LARP1B: variants seen among roughly 807,000 people sequenced by gnomAD.
LARP1B encodes the protein La ribonucleoprotein 1B.
LARP1B carries 76 observed loss-of-function variants against 114.2 expected under a neutral mutation model. That is an observed-to-expected ratio of 0.67 (90% confidence interval 0.55 to 0.81). The LOEUF (loss-of-function observed/expected upper bound fraction) is 0.81. Among genes scored for constraint, LARP1B ranks in the 30% least tolerant of loss-of-function variants. The pLI, the probability that LARP1B is intolerant of heterozygous loss-of-function variation, is 0.00. For synonymous variants in LARP1B, 345 were observed against 348.0 expected, an observed-to-expected ratio of 0.99 and a Z score of 0.10; for missense variants, 1,014 against 1,075.8, an observed-to-expected ratio of 0.94 and a Z score of 0.80.
chr4:128,098,831 GCAGTGGC>G (rs1364808147), intron 8 of LARP1B, among the ~76,000 whole-genome samples: 1 of 136,274 alleles, frequency 7.3e-6, no homozygotes, highest in African/African-American at 2.8e-5. Flanking sequence ...AGGCTGGAGT[GCAGTGGC>G]ATGATATCGG....
At chr4:128,117,346 A>G (rs536793078) in intron 10 of LARP1B, among the ~76,000 whole-genome samples, 12 of 151,966 alleles carry the variant, frequency 7.9e-5, no homozygotes, top group African/African-American at 2.7e-4. Context: ...AGTAGCTGGG[A>G]TTACAGGCAC....
intron 11 of LARP1B, among the ~76,000 whole-genome samples, chr4:128,161,307 A>G (rs1006348913): frequency 5.9e-5 from 9 of 152,124 alleles, no homozygotes; most frequent in African/African-American, 1.9e-4. Flanking sequence ...GTAATGCTCC[A>G]CACATTTGTA....
chr4:128,216,894 C>T (rs938136543), downstream of LARP1B, among the ~76,000 whole-genome samples: 14 of 152,030 alleles, frequency 9.2e-5, no homozygotes, highest in African/African-American at 3.1e-4. Flanking sequence ...TGATAGACCG[C>T]TAGCAAGACT....
intron 15 of LARP1B, among the ~76,000 whole-genome samples, chr4:128,195,620 T>G (rs1753814196): frequency 2.0e-5 from 3 of 152,202 alleles, no homozygotes; most frequent in Admixed American, 2.0e-4. Flanking sequence ...TGTCATACTT[T>G]GCAGTCAATA....
At chr4:128,150,862 T>C (rs1196224791) in intron 11 of LARP1B, among the ~76,000 whole-genome samples, 2 of 152,102 alleles carry the variant, frequency 1.3e-5, no homozygotes, top group Non-Finnish European at 2.9e-5. Flanking sequence ...GCACCAAGGG[T>C]TCTTTCAAGC....
chr4:128,068,036 T>A (rs1192262137), intron 1 of LARP1B, among the ~76,000 whole-genome samples: 2 of 151,626 alleles, frequency 1.3e-5, no homozygotes, highest in African/African-American at 4.8e-5. Context: ...GCCCGCCACC[T>A]TGCCCGGCTA....
At chr4:128,220,439 AAGTG>A (rs1759926362) in intron 7 of LARP1B, 9 of 653,020 alleles carry the variant, frequency 1.4e-5, no homozygotes, top group African/African-American at 2.0e-5. Flanking sequence ...TTTGACAGGA[AAGTG>A]AGTATGTGTG....
At chr4:128,090,963 C>A (rs1310714914) in intron 5 of LARP1B, 38 bp from the exon 6 acceptor site, 14 of 1,441,602 alleles carry the variant, frequency 9.7e-6, no homozygotes, top group Non-Finnish European at 1.3e-5. Context: ...TTTTACTTGG[C>A]AAATCGAAGT....
intron 15 of LARP1B, among the ~76,000 whole-genome samples, chr4:128,189,071 T>C (rs1751318088): frequency 2.6e-5 from 4 of 152,144 alleles, no homozygotes; most frequent in Admixed American, 2.0e-4. Flanking sequence ...GGATGATCTG[T>C]CCATTATTGA....
At chr4:128,205,723 C>G (rs556078594) in intron 17 of LARP1B, among the ~76,000 whole-genome samples, 1 of 152,234 alleles carries the variant, frequency 6.6e-6, no homozygotes, top group African/African-American at 2.4e-5. Flanking sequence ...AGCTTACATT[C>G]AAGAGTATTT....
chr4:128,128,185 A>G (rs555577202), intron 11 of LARP1B, among the ~76,000 whole-genome samples: 4 of 152,318 alleles, frequency 2.6e-5, no homozygotes, highest in Admixed American at 1.3e-4. Context: ...TTAGAATAAA[A>G]TGTGTAAAAT....
rs773635049 is a variant in LARP1B at position 128,140,824 on chromosome 4, G to GTTTTTTTTT, written c.1524+18639_1524+18647dup. Among the ~76,000 whole-genome samples the GTTTTTTTTT allele has an allele frequency of 5.8e-5, 8 of 138,604 alleles. 2 individuals are homozygous for GTTTTTTTTT. Among genetic ancestry groups the GTTTTTTTTT allele is most frequent in the Non-Finnish European group, 7.8e-5 (5 of 63,942 alleles). 90.9% of individuals were successfully genotyped at this position (138,604 alleles called of 152,430 possible). A position where few individuals can be genotyped will look rare whatever the true frequency, so the allele number is the denominator to read the frequency against. ...AAGTCAAGGTAGGTTAATTGTCTCTGTTTTTTTTTTTGGCAGAGTCTTGCT... is the reference window on the plus strand; with the variant it reads ...AAGTCAAGGTAGGTTAATTGTCTCTGTTTTTTTTTTTTTTTTTTTTGGCAGAGTCTTGCT... On this transcript the variant is annotated intron_variant, in intron 11 of 19. Transcript: ENST00000326639.
At chr4:128,136,127 T>C (rs1318141705) in intron 11 of LARP1B, among the ~76,000 whole-genome samples, 1 of 151,792 alleles carries the variant, frequency 6.6e-6, no homozygotes. Flanking sequence ...ACCCCATCTC[T>C]TCTAAAAATA....
At chr4:128,115,383 G>T (rs1198109711) in intron 10 of LARP1B, among the ~76,000 whole-genome samples, 6 of 152,140 alleles carry the variant, frequency 3.9e-5, no homozygotes, top group Non-Finnish European at 7.4e-5. Flanking sequence ...GCAACATAGG[G>T]TGACCCTGTC....
At chr4:128,193,987 T>C (rs746544632) in intron 15 of LARP1B, among the ~76,000 whole-genome samples, 7 of 152,252 alleles carry the variant, frequency 4.6e-5, no homozygotes, top group Non-Finnish European at 1.0e-4. Context: ...TTCCTGATTC[T>C]TTCCTTAGCT....
In LARP1B at chr4:128,144,165, A is replaced by G. The variant is rs183944403; in HGVS notation, c.1525-18029A>G. On this transcript the variant is annotated intron_variant, in intron 11 of 19. Transcript: ENST00000326639. ...GTATGGTGGAGGTGTGGACAAAATC[A>G]AAACCCAGTTGAGAACCACAGAAGT... is the stretch of plus-strand genomic sequence containing the variant. 1.7e-3 allele frequency among the ~76,000 whole-genome samples: 264 copies of G among 152,308 alleles called. 1 individual carries two copies. Among genetic ancestry groups the G allele is most frequent in the African/African-American group, 6.1e-3 (255 of 41,552 alleles).
chr4:128,169,907 G>A (rs1046619939), intron 12 of LARP1B, among the ~76,000 whole-genome samples: 2 of 152,056 alleles, frequency 1.3e-5, no homozygotes, highest in Non-Finnish European at 2.9e-5. Context: ...AAAGTGCTGG[G>A]ATTACAGGCA....
intron 1 of LARP1B, among the ~76,000 whole-genome samples, chr4:128,067,911 C>T (rs114680123): frequency 0.044 from 6,722 of 151,814 alleles, 211 homozygotes; most frequent in Non-Finnish European, 0.075. Context: ...GATGGAGTCT[C>T]GCTTTGCCAC....
At chr4:128,134,939 T>C (rs545887563) in intron 11 of LARP1B, among the ~76,000 whole-genome samples, 1 of 152,130 alleles carries the variant, frequency 6.6e-6, no homozygotes, top group Non-Finnish European at 1.5e-5. Context: ...ACTCCATCTC[T>C]ACTAAAAATA....
Sources: allele counts gnomAD v4.1 joint callset (sites outside exome capture counted in the v4.1 genomes callset), GRCh38; gene constraint gnomAD v4.1.1; transcripts MANE v1.5; gene names NCBI Gene and HGNC (gene_info 2026-07-23, HGNC 2026-07-21).